PRKCH: variants seen among roughly 807,000 people sequenced by gnomAD.
PRKCH encodes protein kinase C eta type.
PRKCH carries 28 observed loss-of-function variants against 82.5 expected under a neutral mutation model. That is an observed-to-expected ratio of 0.34 (90% confidence interval 0.25 to 0.47). The LOEUF (loss-of-function observed/expected upper bound fraction) is 0.47, where lower values mean the gene tolerates loss of function less well. Ranked by LOEUF, PRKCH falls within the 20% of genes least tolerant of loss-of-function variation. PRKCH has a pLI of 1.00. For synonymous variants in PRKCH, 322 were observed against 327.4 expected, an observed-to-expected ratio of 0.98 and a Z score of 0.18; for missense variants, 705 against 881.8, an observed-to-expected ratio of 0.80 and a Z score of 2.54.
chr14:61,367,509 A>C (rs1431168813), intron 1 of PRKCH, among the ~76,000 whole-genome samples: 1 of 151,644 alleles, frequency 6.6e-6, no homozygotes, highest in Non-Finnish European at 1.5e-5. Context: ...TATTTTCAGC[A>C]CCCAGTAGGT....
chr14:61,423,235 A>G (rs910370452), intron 2 of PRKCH, among the ~76,000 whole-genome samples: 1 of 152,222 alleles, frequency 6.6e-6, no homozygotes, highest in Non-Finnish European at 1.5e-5. Flanking sequence ...CTTGCATTTT[A>G]TAATTTTCAG....
At chr14:61,429,313 G>A (rs188701506) in intron 2 of PRKCH, among the ~76,000 whole-genome samples, 2 of 152,244 alleles carry the variant, frequency 1.3e-5, no homozygotes, top group Non-Finnish European at 2.9e-5. Context: ...TGTAAGTTTT[G>A]GGTAACAGCT....
chr14:61,252,629 A>G (rs1164880711), intron 1 of PRKCH, among the ~76,000 whole-genome samples: 1 of 152,244 alleles, frequency 6.6e-6, no homozygotes, highest in African/African-American at 2.4e-5. Flanking sequence ...ACAGCTTGAT[A>G]ATGACACACA....
At chr14:61,506,732 T>C (rs1356804785) in intron 10 of PRKCH, among the ~76,000 whole-genome samples, 1 of 152,128 alleles carries the variant, frequency 6.6e-6, no homozygotes, top group Non-Finnish European at 1.5e-5. Flanking sequence ...TGAACAGGCA[T>C]GTAATGAAAT....
chr14:61,198,251 AT>A (rs2044454657), intron 1 of PRKCH, among the ~76,000 whole-genome samples: 1 of 152,172 alleles, frequency 6.6e-6, no homozygotes. Context: ...ATTGCACTGA[AT>A]ACATTGTCCT....
At chr14:61,239,771 G>T (rs1160319518) in intron 1 of PRKCH, among the ~76,000 whole-genome samples, 1 of 152,082 alleles carries the variant, frequency 6.6e-6, no homozygotes. Context: ...GTAAACACAG[G>T]TCTTAGAGGT....
At position 61,457,608 on chromosome 14, in the gene PRKCH, G is replaced by T; in HGVS notation, c.1207G>T (p.Glu403Ter). 3 of 1,614,156 alleles carry T rather than the reference G, an allele frequency of 1.9e-6. No homozygotes were observed. The highest frequency in any genetic ancestry group is 1.7e-6 in the Non-Finnish European group (2 of 1,180,026). Residue 403 changes from glutamate (E) to a stop codon, truncating the protein, a stop_gained, in exon 9 of 14, where the codon GAG (glutamate) becomes TAG (stop). Coordinates refer to ENST00000332981, the MANE Select transcript of PRKCH (RefSeq NM_006255.5). LOFTEE classifies it high-confidence loss of function. ...QDDDVECTMTEKRILSLARNH... is the reference protein window; with the variant it reads ...QDDDVECTMT ...TGATGATGTGGAATGCACCATGACCGAGAAAAGGATCCTGTCTCTGGCCCG... is the reference window on the plus strand; with the variant it reads ...TGATGATGTGGAATGCACCATGACCTAGAAAAGGATCCTGTCTCTGGCCCG...
chr14:61,440,408 C>T (rs1315827399), intron 2 of PRKCH, among the ~76,000 whole-genome samples: 1 of 152,190 alleles, frequency 6.6e-6, no homozygotes, highest in Non-Finnish European at 1.5e-5. Context: ...CCAAAGATTA[C>T]ACCTACCTCC....
intron 9 of PRKCH, among the ~76,000 whole-genome samples, chr14:61,468,767 G>A (rs1022001608): frequency 2.0e-5 from 3 of 152,096 alleles, no homozygotes; most frequent in Non-Finnish European, 4.4e-5. Context: ...TGAGTAGACC[G>A]CCACCTCCAT....
At chr14:61,322,726 G>A in intron 1 of PRKCH, 1 of 416,122 alleles carries the variant, frequency 2.4e-6, no homozygotes, top group Non-Finnish European at 4.3e-6. Flanking sequence ...GTCGGGCAGG[G>A]GTCCAGGGCG....
At chr14:61,287,765 G>A (rs2045328082) in intron 1 of PRKCH, among the ~76,000 whole-genome samples, 1 of 152,018 alleles carries the variant, frequency 6.6e-6, no homozygotes, top group African/African-American at 2.4e-5. Context: ...AGTGAGAGGG[G>A]CTTTATACCC....
chr14:61,332,825 C>T (rs924395117), intron 1 of PRKCH, among the ~76,000 whole-genome samples: 8 of 152,148 alleles, frequency 5.3e-5, no homozygotes, highest in African/African-American at 1.4e-4. Context: ...CCTCTCGTGT[C>T]GCAAGCCCTT....
At chr14:61,432,542 C>T (rs1883457179) in intron 2 of PRKCH, among the ~76,000 whole-genome samples, 1 of 151,964 alleles carries the variant, frequency 6.6e-6, no homozygotes. Context: ...GCTTTGTTGC[C>T]CAGGCTGGTC....
At chr14:61,376,017 CA>C (rs61102403) in intron 1 of PRKCH, among the ~76,000 whole-genome samples, 4,027 of 62,260 alleles carry the variant, frequency 0.065, 54 homozygotes, top group Middle Eastern at 0.12. Context: ...AATTCTGTCT[CA>C]AAAAAAAAAA....
chr14:61,384,213 C>T (rs1324310391), intron 1 of PRKCH, among the ~76,000 whole-genome samples: 3 of 152,078 alleles, frequency 2.0e-5, no homozygotes, highest in African/African-American at 7.2e-5. Flanking sequence ...AACAGTGGTT[C>T]TAGTGATTCA....
At position 61,212,864 on chromosome 14, in the gene PRKCH, C is replaced by T. The variant is rs117162402; in HGVS notation, c.-19+25196C>T. Among the ~76,000 whole-genome samples, 69 of 152,314 alleles carry T rather than the reference C, an allele frequency of 4.5e-4. 1 individual carries two copies. The East Asian group carries it at 0.01, about 23-fold the overall frequency. ...AGTGCTCCGTGAGCAGAGGAGGGAGCAACTCACTGCACTGAAATAACATTT... is the reference window on the plus strand; with the variant it reads ...AGTGCTCCGTGAGCAGAGGAGGGAGTAACTCACTGCACTGAAATAACATTT... On this transcript the variant is annotated intron_variant, in intron 1 of 3. Coordinates refer to the PRKCH transcript ENST00000555185.
At chr14:61,380,544 T>C (rs1336429587) in intron 1 of PRKCH, among the ~76,000 whole-genome samples, 1 of 152,198 alleles carries the variant, frequency 6.6e-6, no homozygotes, top group Non-Finnish European at 1.5e-5. Flanking sequence ...TTGGACCTGA[T>C]GGGCTGGGCT....
intron 1 of PRKCH, chr14:61,327,068 G>A (rs1463363528): frequency 2.2e-6 from 1 of 455,932 alleles, no homozygotes; most frequent in East Asian, 6.9e-5. Context: ...CGCCCCCTCA[G>A]GAAGGAAGGA....
chr14:61,389,305 G>A (rs1336529307), intron 1 of PRKCH, among the ~76,000 whole-genome samples: 1 of 151,796 alleles, frequency 6.6e-6, no homozygotes, highest in East Asian at 1.9e-4. Flanking sequence ...AGTCATGATT[G>A]CAGCATTGAA....
Sources: allele counts gnomAD v4.1 joint callset (sites outside exome capture counted in the v4.1 genomes callset), GRCh38; gene constraint gnomAD v4.1.1; transcripts MANE v1.5; gene names NCBI Gene and HGNC (gene_info 2026-07-23, HGNC 2026-07-21).